The following KCND3 variants were observed in gnomAD, a reference collection of about 807,000 sequenced individuals.
KCND3 encodes potassium voltage-gated channel subfamily D member 3.
KCND3 carries 9 observed loss-of-function variants against 51.1 expected under a neutral mutation model. That is an observed-to-expected ratio of 0.18 (90% CI 0.11 to 0.31). KCND3 has a LOEUF of 0.31. Among genes scored for constraint, KCND3 ranks in the 10% least tolerant of loss-of-function variants. The probability of loss-of-function intolerance (pLI) is 1.00; values close to 1 mark genes in which losing one functional copy is unlikely to be tolerated. For missense variants in KCND3, 526 were observed against 903.8 expected (o/e 0.58, Z 5.36); for synonymous variants, 349 against 368.0 (o/e 0.95, Z 0.59).
intron 2 of KCND3, among the ~76,000 whole-genome samples, chr1:111,857,136 C>A (rs1557981591): frequency 6.6e-6 from 1 of 152,224 alleles, no homozygotes; most frequent in Non-Finnish European, 1.5e-5. Context: ...AAGTGAACAT[C>A]TGTAAAACGC....
intron 2 of KCND3, among the ~76,000 whole-genome samples, chr1:111,953,528 G>C (rs1469105713): frequency 6.6e-6 from 1 of 152,192 alleles, no homozygotes; most frequent in African/African-American, 2.4e-5. Flanking sequence ...TTGTGAACCT[G>C]GTTTGGACTA....
chr1:111,910,150 A>C (rs1230801770), intron 2 of KCND3: 1 of 152,204 alleles, frequency 6.6e-6, no homozygotes, highest in African/African-American at 2.4e-5. Context: ...CCTCCCCCTC[A>C]GAGGACCCAG....
intron 3 of KCND3, among the ~76,000 whole-genome samples, chr1:111,786,459 T>C (rs1268976356): frequency 2.0e-5 from 3 of 152,248 alleles, no homozygotes; most frequent in Non-Finnish European, 4.4e-5. Context: ...TCTTGGAAAT[T>C]CCTAAAGCCT....
At chr1:111,939,407 G>C in intron 2 of KCND3, among the ~76,000 whole-genome samples, 1 of 152,214 alleles carries the variant, frequency 6.6e-6, no homozygotes, top group South Asian at 2.1e-4. Context: ...AGGCCCGGGT[G>C]TGTGATGTTC....
rs1664313885 is a variant in KCND3 at position 111,780,248 on chromosome 1, G to A, written c.1438C>T (p.Leu480=). 1 of 1,591,010 alleles carries A rather than the reference G, an allele frequency of 6.3e-7. No individual in the cohort carries two copies. Among genetic ancestry groups the A allele is most frequent in the Non-Finnish European group, 8.6e-7 (1 of 1,167,994 alleles). ...ACAGTGGTTTTTTCCAGGCAGTGCA[G>A]CAGGTGATGATGCTGGCTCTCGATG... ...SLIESQHHHL[L]HCLEKTTGLS... Residue 480 remains leucine (L), a synonymous_variant, in exon 5 of 8, where the codon CTG becomes TTG. Transcript: ENST00000302127. The surrounding 1 kb of genome is among the most constrained non-coding windows in gnomAD (Gnocchi z 4.2).
chr1:111,785,469 G>A (rs1220020775), intron 3 of KCND3, among the ~76,000 whole-genome samples: 14 of 152,210 alleles, frequency 9.2e-5, no homozygotes, highest in East Asian at 1.9e-4. Context: ...AAAGGATGAC[G>A]GACAGAGCCA....
chr1:111,905,499 C>T (rs752054995), intron 2 of KCND3, among the ~76,000 whole-genome samples: 50 of 152,232 alleles, frequency 3.3e-4, no homozygotes, highest in Non-Finnish European at 7.1e-4. Flanking sequence ...GTAAGGACAT[C>T]TGGTGTTTAC....
intron 2 of KCND3, among the ~76,000 whole-genome samples, chr1:111,840,877 CA>C (rs1667293445): frequency 6.6e-6 from 1 of 152,166 alleles, no homozygotes; most frequent in African/African-American, 2.4e-5. Flanking sequence ...GGTCACTGCA[CA>C]AATAATGCAG....
At chr1:111,936,568 G>A (rs1016494455) in intron 2 of KCND3, among the ~76,000 whole-genome samples, 1 of 152,174 alleles carries the variant, frequency 6.6e-6, no homozygotes, top group Non-Finnish European at 1.5e-5. Flanking sequence ...CAAGGCATGC[G>A]GCGGGACAGG....
At chr1:111,899,029 A>G (rs1670258808) in intron 2 of KCND3, among the ~76,000 whole-genome samples, 1 of 152,146 alleles carries the variant, frequency 6.6e-6, no homozygotes, top group Non-Finnish European at 1.5e-5. Flanking sequence ...TCCTCCTACT[A>G]GCTGTGGCAG....
At chr1:111,789,870 T>C (rs113041618) in intron 2 of KCND3, among the ~76,000 whole-genome samples, 13 of 152,210 alleles carry the variant, frequency 8.5e-5, no homozygotes, top group Non-Finnish European at 1.5e-5. Context: ...CCCAGTTCTT[T>C]ATACCCTTGA....
rs1664007322 is a variant in KCND3 at position 111,773,745 on chromosome 1, C to G, written c.*2332G>C. 1 of 152,064 alleles carries G rather than the reference C, an allele frequency of 6.6e-6. No homozygotes were observed. Among genetic ancestry groups the G allele is most frequent in the African/African-American group, 2.4e-5 (1 of 41,404 alleles). The allele number at this position is 152,064 out of a possible 1,614,324, so 9.4% of individuals were successfully genotyped here. A position where few individuals can be genotyped will look rare whatever the true frequency, so the allele number is the denominator to read the frequency against. ...CCTATTTACCTCTTTATCTCTTACCCCAGTCAGATCTTATGAAGCATAACT... is the reference window on the plus strand; with the variant it reads ...CCTATTTACCTCTTTATCTCTTACCGCAGTCAGATCTTATGAAGCATAACT... On this transcript the variant is annotated 3_prime_UTR_variant, in exon 8 of 8. Transcript: ENST00000302127.
intron 2 of KCND3, among the ~76,000 whole-genome samples, chr1:111,852,945 G>A (rs771052612): frequency 6.6e-6 from 1 of 152,130 alleles, no homozygotes; most frequent in Non-Finnish European, 1.5e-5. Context: ...GCACCACATT[G>A]TTTAACCCTG....
At position 111,836,962 on chromosome 1, in the gene KCND3, C is replaced by G. The variant is rs1667096081; in HGVS notation, c.1107-49856G>C. 2.0e-5 allele frequency among the ~76,000 whole-genome samples: 3 copies of G among 152,126 alleles called. No individual in the cohort carries two copies. In the South Asian group the frequency reaches 6.2e-4, roughly 32 times the overall value. Reference sequence around the variant, plus strand: ...AGAGTGTCTTGTACTTTTCCCCACCCCCTGTGAATTGACACAAAAGGAAAT... The same window carrying G: ...AGAGTGTCTTGTACTTTTCCCCACCGCCTGTGAATTGACACAAAAGGAAAT... On this transcript the variant is annotated intron_variant, in intron 2 of 7. Transcript: ENST00000302127.
At chr1:111,783,327 C>G (rs981666046) in intron 3 of KCND3, among the ~76,000 whole-genome samples, 2 of 152,166 alleles carry the variant, frequency 1.3e-5, no homozygotes, top group Non-Finnish European at 2.9e-5. Context: ...GAACATTCTC[C>G]TCCTCCTTCC....
chr1:111,795,885 G>T (rs1460374729), intron 2 of KCND3, among the ~76,000 whole-genome samples: 5 of 152,124 alleles, frequency 3.3e-5, no homozygotes, highest in Admixed American at 6.5e-5. Context: ...CATTCTAACT[G>T]GTGTGAGCTG....
At chr1:111,974,250 C>T (rs1230359450) in intron 2 of KCND3, among the ~76,000 whole-genome samples, 1 of 152,188 alleles carries the variant, frequency 6.6e-6, no homozygotes, top group African/African-American at 2.4e-5. Context: ...TGGCAAAAAA[C>T]TTTGGATACC....
At chr1:111,854,613 T>C (rs1462215759) in intron 2 of KCND3, among the ~76,000 whole-genome samples, 1 of 152,328 alleles carries the variant, frequency 6.6e-6, no homozygotes, top group East Asian at 1.9e-4. Flanking sequence ...GCTGGTTCTC[T>C]GAGGAGTGGC....
At chr1:111,880,631 A>C (rs1669256679) in intron 2 of KCND3, among the ~76,000 whole-genome samples, 1 of 152,224 alleles carries the variant, frequency 6.6e-6, no homozygotes, top group African/African-American at 2.4e-5. Context: ...GTCTTAAGTA[A>C]TAAAGGAGAA....
Sources: allele counts gnomAD v4.1 joint callset (sites outside exome capture counted in the v4.1 genomes callset), GRCh38; gene constraint gnomAD v4.1.1; non-coding constraint Gnocchi (gnomAD v3.1); transcripts MANE v1.5; gene names NCBI Gene and HGNC (gene_info 2026-07-23, HGNC 2026-07-21).